Variants in GC observed in about 807,000 individuals in gnomAD.
GC encodes vitamin D-binding protein.
Under a neutral mutation model 56.7 loss-of-function variants are expected in GC, and 43 were observed. The observed-to-expected ratio is 0.76, with a 90% CI of 0.59 to 0.98. The LOEUF (loss-of-function observed/expected upper bound fraction) is 0.98. Ranked by LOEUF, GC falls within the 50% of genes least tolerant of loss-of-function variation. The pLI is 0.00. For synonymous variants in GC, 216 were observed against 202.7 expected (o/e 1.07, Z -0.56); for missense variants, 529 against 545.9 (o/e 0.97, Z 0.31).
chr4:71,778,977 A>G (rs1440661704), intron 1 of GC, among the ~76,000 whole-genome samples: 1 of 150,628 alleles, frequency 6.6e-6, no homozygotes, highest in Non-Finnish European at 1.5e-5. Context: ...ATATTTATGT[A>G]CATACCTATT....
Position 71,765,553 on chromosome 4 carries a change from C to G in GC, c.352G>C (p.Glu118Gln). The change falls in exon 4 of 13, where the codon GAA becomes CAA. Residue 118 changes from glutamate to glutamine, a missense_variant. Transcript: ENST00000273951. The part of the protein sequence containing the change: ...TAECCTKEGL[E>Q]RKLCMAALKH... ...AGAGCAGCCATGCAGAGCTTTCGTT[C>G]CAGGCCCTCTTTGGTGCAGCACTCA... The G allele has an allele frequency of 6.2e-7, 1 of 1,613,696 alleles. No homozygotes were observed. Among genetic ancestry groups the G allele is most frequent in the Non-Finnish European group, 8.5e-7 (1 of 1,179,734 alleles).
At chr4:71,765,372 G>T (rs1237563894) in intron 4 of GC, 60 bp downstream of exon 4, 21 of 1,326,746 alleles carry the variant, frequency 1.6e-5, no homozygotes, top group Non-Finnish European at 2.3e-5. Flanking sequence ...TAGGGGGTTA[G>T]ATTAGAGTCA....
intron 1 of GC, among the ~76,000 whole-genome samples, chr4:71,798,457 A>T (rs1181513694): frequency 6.6e-6 from 1 of 152,118 alleles, no homozygotes; most frequent in Non-Finnish European, 1.5e-5. Flanking sequence ...GTGTTCTGTT[A>T]TTTTACTGTA....
intron 1 of GC, among the ~76,000 whole-genome samples, chr4:71,796,959 C>T (rs1021504662): frequency 1.3e-5 from 2 of 152,170 alleles, no homozygotes; most frequent in African/African-American, 2.4e-5. Flanking sequence ...TGCTAAAGGT[C>T]CACTCCAGAC....
chr4:71,752,387 CA>C, intron 11 of GC, 130 bp downstream of exon 11: 1 of 685,052 alleles, frequency 1.5e-6, no homozygotes, highest in Non-Finnish European at 2.4e-6. Context: ...CAAAGACAGC[CA>C]AGTTACAATA....
intron 1 of GC, among the ~76,000 whole-genome samples, chr4:71,791,705 T>G (rs1023578856): frequency 6.6e-6 from 1 of 152,030 alleles, no homozygotes; most frequent in Non-Finnish European, 1.5e-5. Flanking sequence ...CTAGGGTACA[T>G]GTGCACAATG....
chr4:71,760,174 G>T (rs1159587314), intron 6 of GC, among the ~76,000 whole-genome samples: 3 of 150,784 alleles, frequency 2.0e-5, no homozygotes, highest in Non-Finnish European at 4.4e-5. Flanking sequence ...CTCCTGAGTA[G>T]CTGGGACTAT....
upstream of GC, among the ~76,000 whole-genome samples, chr4:71,786,871 G>C (rs1440165434): frequency 6.6e-6 from 1 of 151,806 alleles, no homozygotes. Context: ...TCTTCGTTCA[G>C]ATTCTCTTTA....
In GC at chr4:71,765,589, G is replaced by C. The variant is rs1262801180; in HGVS notation, c.316C>G (p.Pro106Ala). The C allele has an allele frequency of 2.5e-6, 4 of 1,613,454 alleles. No individual in the cohort carries two copies. The highest frequency in any genetic ancestry group is 3.4e-6 in the Non-Finnish European group (4 of 1,179,684). Residue 106 changes from proline (P) to alanine (A), a missense_variant, in exon 4 of 13, where the codon CCA becomes GCA. Pro to Ala is a conservative substitution (Grantham distance 27). Transcript: ENST00000273951. ...CESNSPFPVH[P>A]GTAECCTKEG... ...TTGGTGCAGCACTCAGCAGTGCCTGGGTGAACGGGGAATGGAGAATTACTT... is the reference window on the plus strand; with the variant it reads ...TTGGTGCAGCACTCAGCAGTGCCTGCGTGAACGGGGAATGGAGAATTACTT...
At chr4:71,746,440 G>T (rs995540614) in intron 11 of GC, among the ~76,000 whole-genome samples, 1 of 151,756 alleles carries the variant, frequency 6.6e-6, no homozygotes, top group African/African-American at 2.4e-5. Flanking sequence ...AGAAAAAATG[G>T]CAGTAGAGTT....
At chr4:71,802,276 G>A (rs1743269751) in intron 1 of GC, among the ~76,000 whole-genome samples, 1 of 152,058 alleles carries the variant, frequency 6.6e-6, no homozygotes, top group Non-Finnish European at 1.5e-5. Context: ...TGGGGTTTAA[G>A]CTGCATATTA....
rs529987009 is a variant in GC at position 71,749,666 on chromosome 4, A to G, written c.1395+2852T>C. Among the ~76,000 whole-genome samples, 3 of 152,334 alleles carry G rather than the reference A, an allele frequency of 2.0e-5. 1 individual carries two copies. The South Asian group carries it at 6.2e-4, about 32-fold the overall frequency. On this transcript the variant is annotated intron_variant, in intron 11 of 12. Coordinates refer to ENST00000273951, the MANE Select transcript of GC (RefSeq NM_000583.4). ...TAAAAGCAACTTGGTATGAAAAGAA[A>G]GAACTGTTCAATTTAATTAATTATT...
chr4:71,754,293 C>T, intron 10 of GC, 118 bp downstream of exon 10: 1 of 608,804 alleles, frequency 1.6e-6, no homozygotes, highest in Non-Finnish European at 2.9e-6. Context: ...CTAATTGAAC[C>T]TCCTTTTGTT....
upstream of GC, among the ~76,000 whole-genome samples, chr4:71,785,270 T>C (rs900303970): frequency 1.3e-5 from 2 of 151,692 alleles, no homozygotes; most frequent in Non-Finnish European, 1.5e-5. Context: ...TTCTAGTTAT[T>C]GCCACGTTCT....
chr4:71,796,293 G>A (rs1743103118), intron 1 of GC, among the ~76,000 whole-genome samples: 1 of 152,142 alleles, frequency 6.6e-6, no homozygotes, highest in African/African-American at 2.4e-5. Flanking sequence ...TCACTTTCAG[G>A]TACAGCAATC....
intron 1 of GC, among the ~76,000 whole-genome samples, chr4:71,774,038 G>A (rs1360462740): frequency 2.6e-5 from 4 of 152,000 alleles, no homozygotes. Context: ...GGTTTAGGAA[G>A]CTGATCTGGT....
At chr4:71,762,776 C>T (rs1438009375) in intron 6 of GC, among the ~76,000 whole-genome samples, 4 of 152,144 alleles carry the variant, frequency 2.6e-5, no homozygotes, top group Admixed American at 6.6e-5. Context: ...CTGCCATCCA[C>T]GTAAGATGTG....
chr4:71,790,773 A>T (rs529948809), intron 1 of GC, among the ~76,000 whole-genome samples: 1 of 151,090 alleles, frequency 6.6e-6, no homozygotes, highest in African/African-American at 2.4e-5. Context: ...ATTTAATTTT[A>T]TTATTATTAT....
chr4:71,768,986 C>A (rs1193694017), intron 2 of GC, among the ~76,000 whole-genome samples: 2 of 152,166 alleles, frequency 1.3e-5, no homozygotes, highest in Non-Finnish European at 2.9e-5. Flanking sequence ...TCTTAAGCCT[C>A]CCCAAATGTA....
Sources: allele counts gnomAD v4.1 joint callset (sites outside exome capture counted in the v4.1 genomes callset), GRCh38; gene constraint gnomAD v4.1.1; transcripts MANE v1.5; gene names NCBI Gene and HGNC (gene_info 2026-07-23, HGNC 2026-07-21).